The following CSMD1 variants were observed in gnomAD, a reference collection of about 807,000 sequenced individuals.
CSMD1 encodes the protein CUB and Sushi multiple domains 1.
In CSMD1, 213 loss-of-function variants were observed where a neutral mutation model predicts 417.5. The ratio of observed to expected loss-of-function variants is 0.51; its 90% CI spans 0.46 to 0.57. The LOEUF is 0.57. Ranked by LOEUF, CSMD1 falls within the 20% of genes least tolerant of loss-of-function variation. The pLI is 0.00. For missense variants in CSMD1, 6,923 were observed against 4,529.7 expected, an observed-to-expected ratio of 1.53 and a Z score of -15.17; for synonymous variants, 2,862 against 1,736.8, an observed-to-expected ratio of 1.65 and a Z score of -16.11.
intron 2 of CSMD1, among the ~76,000 whole-genome samples, chr8:4,574,715 AAACT>A (rs1799055441): frequency 6.6e-6 from 1 of 152,236 alleles, no homozygotes; most frequent in South Asian, 2.1e-4. Context: ...CTTCTTTTCA[AAACT>A]AACCATAGAC....
chr8:4,281,222 T>G (rs987897131), intron 3 of CSMD1, among the ~76,000 whole-genome samples: 1 of 152,176 alleles, frequency 6.6e-6, no homozygotes, highest in African/African-American at 2.4e-5. Flanking sequence ...GAAAATACTT[T>G]GCTACCTTAA....
intron 5 of CSMD1, among the ~76,000 whole-genome samples, chr8:3,912,558 A>G (rs964967404): frequency 3.3e-5 from 5 of 152,184 alleles, no homozygotes; most frequent in Admixed American, 6.5e-5. Context: ...TTCTCTGCCA[A>G]GGTGGTTTTG....
intron 2 of CSMD1, among the ~76,000 whole-genome samples, chr8:4,478,019 T>C (rs1800895500): frequency 6.6e-6 from 1 of 152,226 alleles, no homozygotes; most frequent in African/African-American, 2.4e-5. Flanking sequence ...CAGTGAATTC[T>C]ACTACCATTC....
At chr8:4,836,573 T>C (rs545332472) in intron 1 of CSMD1, among the ~76,000 whole-genome samples, 1 of 152,232 alleles carries the variant, frequency 6.6e-6, no homozygotes, top group South Asian at 2.1e-4. Flanking sequence ...TTGAACTTTA[T>C]GAATAAGTTT....
At chr8:2,945,691 C>T (rs996248331) in intron 68 of CSMD1, among the ~76,000 whole-genome samples, 12 of 152,110 alleles carry the variant, frequency 7.9e-5, no homozygotes, top group Admixed American at 2.6e-4. Flanking sequence ...TGCTACCCTC[C>T]GTTCCCTTCT....
intron 3 of CSMD1, among the ~76,000 whole-genome samples, chr8:4,329,163 A>T (rs993469922): frequency 6.6e-6 from 1 of 152,206 alleles, no homozygotes; most frequent in Non-Finnish European, 1.5e-5. Context: ...CACGGTTCTC[A>T]TCAAGCCCAT....
chr8:4,977,292 A>C (rs1360463665), intron 1 of CSMD1, among the ~76,000 whole-genome samples: 1 of 152,192 alleles, frequency 6.6e-6, no homozygotes, highest in Admixed American at 6.5e-5. Flanking sequence ...ATTCTTCCTG[A>C]AATAAGGCAA....
At chr8:4,488,528 A>G (rs1194824587) in intron 2 of CSMD1, among the ~76,000 whole-genome samples, 1 of 152,144 alleles carries the variant, frequency 6.6e-6, no homozygotes, top group Non-Finnish European at 1.5e-5. Context: ...GATTTCTACA[A>G]TGTTTTTAAA....
chr8:4,806,359 T>A (rs972383513), intron 1 of CSMD1, among the ~76,000 whole-genome samples: 1 of 152,136 alleles, frequency 6.6e-6, no homozygotes, highest in Admixed American at 6.5e-5. Flanking sequence ...AGCGTTGCAG[T>A]ATTGAACTCG....
intron 2 of CSMD1, among the ~76,000 whole-genome samples, chr8:4,453,695 T>C (rs1411910280): frequency 6.6e-6 from 1 of 151,992 alleles, no homozygotes; most frequent in Non-Finnish European, 1.5e-5. Context: ...CCATGCCTGC[T>C]TGGGTATGCA....
At chr8:4,334,949 C>G (rs147654460) in intron 3 of CSMD1, among the ~76,000 whole-genome samples, 5 of 152,116 alleles carry the variant, frequency 3.3e-5, no homozygotes, top group Non-Finnish European at 7.4e-5. Context: ...TTGCTACATC[C>G]TCACATGACA....
At chr8:3,833,430 T>C (rs1239908071) in intron 5 of CSMD1, among the ~76,000 whole-genome samples, 1 of 152,150 alleles carries the variant, frequency 6.6e-6, no homozygotes, top group Non-Finnish European at 1.5e-5. Context: ...CCATATTTTA[T>C]ATCATAAATA....
At chr8:3,283,248 G>C (rs1372676479) in intron 26 of CSMD1, among the ~76,000 whole-genome samples, 1 of 152,094 alleles carries the variant, frequency 6.6e-6, no homozygotes, top group Non-Finnish European at 1.5e-5. Flanking sequence ...AAGCGTGTTT[G>C]ATTAGCAGGT....
intron 23 of CSMD1, among the ~76,000 whole-genome samples, chr8:3,313,294 C>T (rs1345690653): frequency 1.3e-5 from 2 of 152,158 alleles, no homozygotes; most frequent in South Asian, 2.1e-4. Context: ...TAACGAGGTT[C>T]TGCACAGCAA....
chr8:3,467,283 T>G (rs1327545228), intron 12 of CSMD1, among the ~76,000 whole-genome samples: 4 of 152,228 alleles, frequency 2.6e-5, no homozygotes, highest in Non-Finnish European at 4.4e-5. Flanking sequence ...ATCTCAATGC[T>G]GCTGAGATGA....
intron 51 of CSMD1, among the ~76,000 whole-genome samples, chr8:3,023,654 G>C (rs1809622069): frequency 6.6e-6 from 1 of 152,060 alleles, no homozygotes; most frequent in African/African-American, 2.4e-5. Context: ...CCTTCAAAAA[G>C]TGGTAAATTT....
At chr8:4,353,432 T>C (rs138986302) in intron 3 of CSMD1, among the ~76,000 whole-genome samples, 21 of 152,240 alleles carry the variant, frequency 1.4e-4, no homozygotes, top group African/African-American at 5.1e-4. Context: ...AAATTACCTA[T>C]TCTCGAGTAT....
chr8:3,113,680 A>G (rs755197792), intron 42 of CSMD1, among the ~76,000 whole-genome samples: 13 of 152,238 alleles, frequency 8.5e-5, no homozygotes, highest in Non-Finnish European at 1.8e-4. Flanking sequence ...AGAAGTGGGA[A>G]GGGGGTACTT....
At chr8:3,674,627 T>A (rs926066207) in intron 7 of CSMD1, among the ~76,000 whole-genome samples, 1 of 152,138 alleles carries the variant, frequency 6.6e-6, no homozygotes, top group Non-Finnish European at 1.5e-5. Context: ...ATATCCTTAT[T>A]TTACAGATAA....
Sources: allele counts gnomAD v4.1 joint callset (sites outside exome capture counted in the v4.1 genomes callset), GRCh38; gene constraint gnomAD v4.1.1; transcripts MANE v1.5; gene names NCBI Gene and HGNC (gene_info 2026-07-23, HGNC 2026-07-21).